The following OSBPL10 variants were observed in gnomAD, a reference collection of about 807,000 sequenced individuals.
OSBPL10 encodes the protein oxysterol-binding protein-related protein 10.
Under a neutral mutation model 81.7 loss-of-function variants are expected in OSBPL10, and 49 were observed. The ratio of observed to expected loss-of-function variants is 0.60; its 90% confidence interval spans 0.48 to 0.76. The LOEUF (loss-of-function observed/expected upper bound fraction) is 0.76. Ranked by LOEUF, OSBPL10 falls within the 30% of genes least tolerant of loss-of-function variation. OSBPL10 has a pLI of 0.00. For synonymous variants in OSBPL10, 419 were observed against 383.6 expected, an observed-to-expected ratio of 1.09 and a Z score of -1.08; for missense variants, 923 against 987.8, an observed-to-expected ratio of 0.93 and a Z score of 0.88.
chr3:31,996,169 G>A (rs1053840437), intron 2 of OSBPL10, among the ~76,000 whole-genome samples: 17 of 152,238 alleles, frequency 1.1e-4, no homozygotes, highest in East Asian at 1.9e-4. Context: ...ACAGGTAAAC[G>A]CAAACAACCA....
chr3:31,727,160 A>G (rs1467705978), intron 6 of OSBPL10, among the ~76,000 whole-genome samples: 2 of 152,072 alleles, frequency 1.3e-5, no homozygotes, highest in Non-Finnish European at 2.9e-5. Flanking sequence ...TGAGCTATTA[A>G]TTGTAGGGTT....
intron 4 of OSBPL10, among the ~76,000 whole-genome samples, chr3:31,792,880 G>A (rs1384479438): frequency 1.1e-5 from 1 of 94,410 alleles, no homozygotes; most frequent in Non-Finnish European, 2.6e-5. Flanking sequence ...GTGTGTGTGT[G>A]TGTGTGTGTG....
At chr3:31,733,113 A>AT in intron 6 of OSBPL10, 144 bp downstream of exon 6, 3 of 1,159,132 alleles carry the variant, frequency 2.6e-6, no homozygotes, top group South Asian at 1.5e-5. Flanking sequence ...CACATAGCTG[A>AT]TTTTGTCTCT....
intron 6 of OSBPL10, among the ~76,000 whole-genome samples, chr3:31,710,185 C>T (rs530940166): frequency 6.6e-6 from 1 of 152,256 alleles, no homozygotes; most frequent in South Asian, 2.1e-4. Context: ...GCCTTCCTGT[C>T]TCTAAAATGG....
intron 6 of OSBPL10, chr3:31,704,989 C>T (rs2125599259): frequency 6.6e-6 from 1 of 152,384 alleles, no homozygotes; most frequent in African/African-American, 2.4e-5. Flanking sequence ...TCTGACAATT[C>T]CTCTCAAAGA....
At chr3:31,723,528 GCT>G (rs1400306015) in intron 6 of OSBPL10, among the ~76,000 whole-genome samples, 1 of 136,888 alleles carries the variant, frequency 7.3e-6, no homozygotes, top group African/African-American at 3.2e-5. Context: ...TTACTCACTT[GCT>G]CTGTTTCTTA....
chr3:31,801,245 T>C (rs762685260), intron 4 of OSBPL10, among the ~76,000 whole-genome samples: 7 of 152,200 alleles, frequency 4.6e-5, no homozygotes, highest in Non-Finnish European at 8.8e-5. Context: ...GACATCTCCA[T>C]GATATGGTGA....
intron 3 of OSBPL10, among the ~76,000 whole-genome samples, chr3:31,839,394 C>CA: frequency 6.6e-6 from 1 of 152,184 alleles, no homozygotes. Flanking sequence ...CAAAGTACAA[C>CA]AATAAGCAAA....
At chr3:31,662,654 C>T (rs1352734443) in intron 11 of OSBPL10, 7 of 986,110 alleles carry the variant, frequency 7.1e-6, no homozygotes, top group Non-Finnish European at 8.4e-6. Flanking sequence ...AGGCACTATA[C>T]TGAATAACTG....
intron 1 of OSBPL10, among the ~76,000 whole-genome samples, chr3:31,945,128 C>A (rs907536438): frequency 1.6e-5 from 2 of 126,564 alleles, no homozygotes; most frequent in African/African-American, 6.4e-5. Context: ...TCGAGCCTGG[C>A]GACAGAGCAA....
At position 32,031,744 on chromosome 3, in the gene OSBPL10, G is replaced by A. The variant is rs374063114; in HGVS notation, n.298+14747C>T. On this transcript the variant is annotated intron_variant and non_coding_transcript_variant, in intron 2 of 3. Coordinates refer to the OSBPL10 transcript ENST00000479173. ...GCTGGGATTACAGGCGTAAGCCACC[G>A]TGCCCAGCCAAAAGGCTTTTAATAT... is the stretch of plus-strand genomic sequence containing the variant. Among the ~76,000 whole-genome samples the A allele has an allele frequency of 3.3e-5, 5 of 152,022 alleles. No individual in the cohort carries two copies. The South Asian group carries it at 6.2e-4, about 19-fold the overall frequency.
At chr3:31,957,407 G>C (rs1294706563) in intron 1 of OSBPL10, among the ~76,000 whole-genome samples, 1 of 152,126 alleles carries the variant, frequency 6.6e-6, no homozygotes, top group East Asian at 1.9e-4. Flanking sequence ...TGAGGCAAGG[G>C]AACTGCACTG....
At chr3:32,042,277 A>G (rs1336763850) in intron 2 of OSBPL10, among the ~76,000 whole-genome samples, 1 of 152,234 alleles carries the variant, frequency 6.6e-6, no homozygotes, top group African/African-American at 2.4e-5. Flanking sequence ...ATCAAAGACA[A>G]GCTTTCCCTG....
At chr3:31,901,682 C>A (rs1369919665) in intron 1 of OSBPL10, among the ~76,000 whole-genome samples, 1 of 152,192 alleles carries the variant, frequency 6.6e-6, no homozygotes, top group Non-Finnish European at 1.5e-5. Flanking sequence ...GACTGCATGT[C>A]CTTCAGGGCG....
intron 4 of OSBPL10, among the ~76,000 whole-genome samples, chr3:31,772,346 G>A (rs1231960585): frequency 6.6e-6 from 1 of 152,142 alleles, no homozygotes; most frequent in Non-Finnish European, 1.5e-5. Context: ...ATTATTCACA[G>A]TTCTGCTTCA....
In OSBPL10 at chr3:31,870,617, G is replaced by T. The variant is rs191426152; in HGVS notation, c.537+5816C>A. 2.6e-3 allele frequency among the ~76,000 whole-genome samples: 394 copies of T among 152,100 alleles called. 5 individuals are homozygous for T. Among genetic ancestry groups the T allele is most frequent in the African/African-American group, 8.8e-3 (367 of 41,498 alleles). On this transcript the variant is annotated intron_variant, in intron 3 of 11. Transcript: ENST00000396556. ...GCCTTGGAGAACCTTTATGTCTAGC[G>T]CAGGGATTGTAAATACACCAATTGG...
intron 4 of OSBPL10, among the ~76,000 whole-genome samples, chr3:31,792,551 G>GT (rs1488316410): frequency 6.6e-6 from 1 of 152,096 alleles, no homozygotes; most frequent in Non-Finnish European, 1.5e-5. Context: ...GGGGGTGGTG[G>GT]TTAAAATTCT....
At chr3:31,789,379 G>A (rs796478388) in intron 4 of OSBPL10, among the ~76,000 whole-genome samples, 1 of 152,274 alleles carries the variant, frequency 6.6e-6, no homozygotes, top group South Asian at 2.1e-4. Flanking sequence ...TCAGGTCCTT[G>A]AGTCCATCAT....
chr3:31,720,671 G>A (rs1696611540), intron 6 of OSBPL10, among the ~76,000 whole-genome samples: 1 of 151,932 alleles, frequency 6.6e-6, no homozygotes, highest in Non-Finnish European at 1.5e-5. Flanking sequence ...GGCCAAGGTG[G>A]GAGGACTGTC....
Sources: allele counts gnomAD v4.1 joint callset (sites outside exome capture counted in the v4.1 genomes callset), GRCh38; gene constraint gnomAD v4.1.1; transcripts MANE v1.5; gene names NCBI Gene and HGNC (gene_info 2026-07-23, HGNC 2026-07-21).